Variants in MGAT4D observed in about 807,000 individuals in gnomAD.
The protein encoded by MGAT4D is alpha-1,3-mannosyl-glycoprotein 4-beta-N-acetylglucosaminyltransferase-like protein MGAT4D.
MGAT4D carries 34 observed loss-of-function variants against 15.9 expected under a neutral mutation model. That is an observed-to-expected ratio of 2.14 (90% CI 1.62 to 2.84). The LOEUF is 2.84. Among genes scored for constraint, MGAT4D ranks in the 30% most tolerant of loss-of-function variants. The pLI is 0.00. For synonymous variants in MGAT4D, 112 were observed against 48.2 expected, an observed-to-expected ratio of 2.33 and a Z score of -5.49; for missense variants, 327 against 140.2, an observed-to-expected ratio of 2.33 and a Z score of -6.73.
chr4:140,480,017 G>A (rs982293195), intron 2 of MGAT4D, among the ~76,000 whole-genome samples: 1 of 152,004 alleles, frequency 6.6e-6, no homozygotes, highest in African/African-American at 2.4e-5. Flanking sequence ...GACTATATTT[G>A]TAAACTTCAT....
At position 140,451,433 on chromosome 4, in the gene MGAT4D, G is replaced by A; in HGVS notation, c.1093C>T (p.Pro365Ser). ...FQHVGIHSSF[P>S]RKEQYEKKI ...ACTTTTTCATATTGTTCTTTTCTAG[G>A]GAATGATGAATGTATACCCACATGC... The change falls in exon 10 of 11, where the codon CCT becomes TCT. Residue 365 changes from proline (P) to serine (S), a missense_variant. Transcript: ENST00000511113. 3.3e-6 allele frequency: 2 copies of A among 606,776 alleles called. No individual in the cohort carries two copies. The highest frequency in any genetic ancestry group is 6.0e-6 in the Non-Finnish European group (2 of 333,846). 37.6% of individuals were successfully genotyped at this position (606,776 alleles called of 1,614,324 possible). A position where few individuals can be genotyped will look rare whatever the true frequency, so the allele number is the denominator to read the frequency against.
intron 6 of MGAT4D, among the ~76,000 whole-genome samples, chr4:140,463,295 C>G (rs972377345): frequency 6.6e-6 from 1 of 152,110 alleles, no homozygotes; most frequent in African/African-American, 2.4e-5. Context: ...AAGGAAACTC[C>G]TAGCTGAACT....
In MGAT4D at chr4:140,489,542, A is replaced by G. The variant is rs1248633591; in HGVS notation, c.95-7057T>C. Among the ~76,000 whole-genome samples, 3 of 152,144 alleles carry G rather than the reference A, an allele frequency of 2.0e-5. No homozygotes were observed. In the East Asian group the frequency reaches 5.8e-4, roughly 29 times the overall value. On this transcript the variant is annotated intron_variant, in intron 1 of 10. Coordinates refer to ENST00000511113, the MANE Select transcript of MGAT4D (RefSeq NM_001277353.2). ...TAAGCAGAATCCTGAATTTTGTATT[A>G]ATCATTTATTGCTTTCCTTTACAGT...
intron 10 of MGAT4D, among the ~76,000 whole-genome samples, chr4:140,444,078 T>G (rs1729934207): frequency 6.6e-6 from 1 of 152,154 alleles, no homozygotes; most frequent in South Asian, 2.1e-4. Context: ...TTGCATGTAT[T>G]TTCACATAAA....
chr4:140,477,382 T>A (rs1732407287), intron 3 of MGAT4D, among the ~76,000 whole-genome samples: 1 of 152,226 alleles, frequency 6.6e-6, no homozygotes, highest in South Asian at 2.1e-4. Context: ...TCACCCCATA[T>A]CCCAGGGCCT....
At chr4:140,454,207 A>T (rs1461373313) in intron 9 of MGAT4D, among the ~76,000 whole-genome samples, 3 of 152,166 alleles carry the variant, frequency 2.0e-5, no homozygotes, top group African/African-American at 7.2e-5. Context: ...GAAAGCATCC[A>T]GTTTTCAACA....
intron 2 of MGAT4D, 102 bp downstream of exon 2, chr4:140,482,224 GT>G: frequency 3.7e-6 from 2 of 537,148 alleles, no homozygotes; most frequent in Non-Finnish European, 6.5e-6. Context: ...AAAAGAACCA[GT>G]ACTGATATAG....
intron 10 of MGAT4D, among the ~76,000 whole-genome samples, chr4:140,449,581 A>C (rs1470627710): frequency 6.6e-6 from 1 of 152,108 alleles, no homozygotes. Flanking sequence ...AACACGGTGA[A>C]ACCCCGTCTC....
At position 140,463,964 on chromosome 4, in the gene MGAT4D, T is replaced by C. The variant is rs557087015; in HGVS notation, c.686+932A>G. Among the ~76,000 whole-genome samples, 58 of 152,238 alleles carry C rather than the reference T, an allele frequency of 3.8e-4. 1 individual carries two copies. The highest frequency in any genetic ancestry group is 1.0e-3 in the Admixed American group (16 of 15,286). On this transcript the variant is annotated intron_variant, in intron 6 of 10. Coordinates refer to ENST00000511113, the MANE Select transcript of MGAT4D (RefSeq NM_001277353.2). Reference sequence around the variant, plus strand: ...ACTCTGTAATGGTGAAGGCCTGAACTAAATCCAAGCCAATGGAAGGAGGAT... The same window carrying C: ...ACTCTGTAATGGTGAAGGCCTGAACCAAATCCAAGCCAATGGAAGGAGGAT...
chr4:140,451,590 A>C, intron 9 of MGAT4D, 73 bp from the exon 10 acceptor site: 1 of 412,344 alleles, frequency 2.4e-6, no homozygotes, highest in Admixed American at 4.3e-5. Context: ...TGATGGTAGA[A>C]TTTTTATATA....
chr4:140,484,772 A>G (rs1221604731), intron 1 of MGAT4D, among the ~76,000 whole-genome samples: 2 of 152,242 alleles, frequency 1.3e-5, no homozygotes, highest in African/African-American at 4.8e-5. Flanking sequence ...AGAAGAAGAC[A>G]TTTATGCAGC....
chr4:140,488,184 G>T (rs1578717358), intron 1 of MGAT4D, among the ~76,000 whole-genome samples: 1 of 152,268 alleles, frequency 6.6e-6, no homozygotes, highest in East Asian at 1.9e-4. Context: ...TTCCCTGAGT[G>T]CTTACTTGCC....
intron 1 of MGAT4D, among the ~76,000 whole-genome samples, chr4:140,496,579 A>G (rs998102155): frequency 1.3e-5 from 2 of 152,254 alleles, no homozygotes; most frequent in African/African-American, 2.4e-5. Flanking sequence ...GTGGTGGCTC[A>G]TGCCTGTAAT....
chr4:140,485,849 G>T (rs1442880542), intron 1 of MGAT4D, among the ~76,000 whole-genome samples: 1 of 37,016 alleles, frequency 2.7e-5, no homozygotes. Flanking sequence ...AAAAAAAAAA[G>T]CAATGATGAT....
intron 1 of MGAT4D, among the ~76,000 whole-genome samples, chr4:140,494,612 G>A (rs1237912402): frequency 2.0e-5 from 3 of 152,240 alleles, no homozygotes; most frequent in Admixed American, 1.3e-4. Context: ...TCATACATAA[G>A]AGAAATAGTG....
At chr4:140,450,598 C>T (rs1417930148) in intron 10 of MGAT4D, among the ~76,000 whole-genome samples, 1 of 152,140 alleles carries the variant, frequency 6.6e-6, no homozygotes, top group African/African-American at 2.4e-5. Context: ...TTACAATACA[C>T]AAAGTAGAAA....
Position 140,456,670 on chromosome 4 carries a change from TA to T in MGAT4D, c.926del (p.Leu309Ter), listed in dbSNP as rs879091390. 6 of 696,184 alleles carry T rather than the reference TA, an allele frequency of 8.6e-6. No homozygotes were observed. Among genetic ancestry groups the T allele is most frequent in the South Asian group, 3.0e-5 (2 of 66,316 alleles). The allele number at this position is 696,184 out of a possible 1,614,324, so 43.1% of individuals were successfully genotyped here. A position where few individuals can be genotyped will look rare whatever the true frequency, so the allele number is the denominator to read the frequency against. On this transcript the variant is annotated frameshift_variant, in exon 9 of 11. Transcript: ENST00000511113. LOFTEE classifies it high-confidence loss of function. ...EDLTHFVRFF[L>X]MFYKEKPIDW... ...CTATGGGTTTCTCTTTGTAGAACAT[TA>T]AAAAAAACCGTACAAAGTGAGTTAA...
Position 140,456,680 on chromosome 4 carries a change from C to G in MGAT4D, c.917G>C (p.Arg306Pro). The stretch of plus-strand genomic sequence containing the variant: ...CTCTTTGTAGAACATTAAAAAAAAC[C>G]GTACAAAGTGAGTTAAGTCCTCAGA... ...FRSEDLTHFV[R>P]FFLMFYKEKP... Residue 306 changes from arginine to proline, a missense_variant, in exon 9 of 11, where the codon CGG becomes CCG. By Grantham distance (103) the Arg-to-Pro change is moderately radical (BLOSUM62 -2). Coordinates refer to ENST00000511113, the MANE Select transcript of MGAT4D (RefSeq NM_001277353.2). 1 of 694,124 alleles carries G rather than the reference C, an allele frequency of 1.4e-6. No individual in the cohort carries two copies. 43.0% of individuals were successfully genotyped at this position (694,124 alleles called of 1,614,324 possible). A position where few individuals can be genotyped will look rare whatever the true frequency, so the allele number is the denominator to read the frequency against.
intron 7 of MGAT4D, among the ~76,000 whole-genome samples, 173 bp from the exon 8 acceptor site, chr4:140,459,799 C>CTTT (rs576574327): frequency 6.9e-4 from 75 of 109,016 alleles, no homozygotes; most frequent in African/African-American, 1.0e-3. Flanking sequence ...AGTTGATTTC[C>CTTT]TTTTTTTTTT....
Sources: allele counts gnomAD v4.1 joint callset (sites outside exome capture counted in the v4.1 genomes callset), GRCh38; gene constraint gnomAD v4.1.1; transcripts MANE v1.5; gene names NCBI Gene and HGNC (gene_info 2026-07-23, HGNC 2026-07-21).